The following ST8SIA1 variants were observed in gnomAD, a reference collection of about 807,000 sequenced individuals.
The protein encoded by ST8SIA1 is ST8 alpha-N-acetyl-neuraminide alpha-2,8-sialyltransferase 1, also known as alpha-N-acetylneuraminide alpha-2,8-sialyltransferase.
In ST8SIA1, 16 loss-of-function variants were observed where a neutral mutation model predicts 35.9. The observed-to-expected ratio is 0.45, with a 90% CI of 0.30 to 0.68. The LOEUF is 0.68. Ranked by LOEUF, ST8SIA1 falls within the 30% of genes least tolerant of loss-of-function variation. The pLI is 0.09. For missense variants in ST8SIA1, 383 were observed against 453.6 expected (o/e 0.84, Z 1.41); for synonymous variants, 170 against 169.6 (o/e 1.00, Z -0.02).
Position 22,201,808 on chromosome 12 carries a change from C to T in ST8SIA1, c.815G>A (p.Arg272His), listed in dbSNP as rs1197616067. Residue 272 changes from arginine (R) to histidine (H), a missense_variant, in exon 5 of 5, where the codon CGC (arginine) becomes CAC (histidine). By Grantham distance (29) the Arg-to-His change is conservative. Coordinates refer to ENST00000396037, the MANE Select transcript of ST8SIA1 (RefSeq NM_003034.4). ...CACCAGAAAAAGTCCTGTGGACAGG[C>T]GCTTGGCATGGATTCCTCTACTTTT... ...FWKSRGIHAK[R>H]LSTGLFLVSA... 2.5e-6 allele frequency: 4 copies of T among 1,614,138 alleles called. No individual in the cohort carries two copies. Among genetic ancestry groups the T allele is most frequent in the Admixed American group, 1.7e-5 (1 of 60,002 alleles).
chr12:22,270,681 A>G (rs1865902585), intron 2 of ST8SIA1, among the ~76,000 whole-genome samples: 1 of 152,220 alleles, frequency 6.6e-6, no homozygotes, highest in Non-Finnish European at 1.5e-5. Context: ...GGGGCTGGAT[A>G]ATGAGAAATT....
At chr12:22,241,313 C>T (rs80001631) in intron 4 of ST8SIA1, among the ~76,000 whole-genome samples, 1 of 152,092 alleles carries the variant, frequency 6.6e-6, no homozygotes. Context: ...GGGACGATTT[C>T]TCATCAATGG....
intron 4 of ST8SIA1, chr12:22,223,697 C>G: frequency 2.4e-6 from 3 of 1,232,284 alleles, no homozygotes; most frequent in Non-Finnish European, 3.1e-6. Flanking sequence ...GACGTTCTGT[C>G]ATTTGGCTTT....
At chr12:22,223,822 C>A in intron 4 of ST8SIA1, 2 of 1,208,610 alleles carry the variant, frequency 1.7e-6, no homozygotes, top group East Asian at 7.5e-5. Flanking sequence ...GAATTATATT[C>A]CCTGCAATAT....
At chr12:22,228,579 G>A (rs1010248080) in intron 4 of ST8SIA1, among the ~76,000 whole-genome samples, 3 of 152,222 alleles carry the variant, frequency 2.0e-5, no homozygotes, top group African/African-American at 7.2e-5. Flanking sequence ...AAAAGAGACA[G>A]AGTCATTGCC....
intron 4 of ST8SIA1, among the ~76,000 whole-genome samples, chr12:22,238,163 T>C (rs1371869462): frequency 6.6e-6 from 1 of 151,546 alleles, no homozygotes; most frequent in Admixed American, 6.6e-5. Flanking sequence ...ACTTGAGAAC[T>C]CCCCCCCCAA....
In ST8SIA1 at chr12:22,198,682, C is replaced by T. The variant is rs116729269; in HGVS notation, c.*2870G>A. ...GTAGTCATATTTTGAATGCTGTGAGCATGTATATCTATCTTTAAGTGAAGA... is the reference window on the plus strand; with the variant it reads ...GTAGTCATATTTTGAATGCTGTGAGTATGTATATCTATCTTTAAGTGAAGA... On this transcript the variant is annotated 3_prime_UTR_variant, in exon 5 of 5. Transcript: ENST00000396037. 1.7e-3 allele frequency: 262 copies of T among 152,158 alleles called. No homozygotes were observed. Among genetic ancestry groups the T allele is most frequent in the African/African-American group, 5.8e-3 (240 of 41,504 alleles). 9.4% of individuals were successfully genotyped at this position (152,158 alleles called of 1,614,324 possible).
At chr12:22,273,137 C>CT (rs1389876830) in intron 2 of ST8SIA1, among the ~76,000 whole-genome samples, 1 of 152,128 alleles carries the variant, frequency 6.6e-6, no homozygotes, top group African/African-American at 2.4e-5. Flanking sequence ...CGGGCAGGTC[C>CT]TGGCGAAACC....
chr12:22,291,340 C>G (rs1451135989), intron 1 of ST8SIA1, among the ~76,000 whole-genome samples: 2 of 152,198 alleles, frequency 1.3e-5, no homozygotes, highest in Non-Finnish European at 2.9e-5. Context: ...GAGGCTGCCA[C>G]TCCAATGACT....
At chr12:22,212,542 C>T (rs1003032721) in intron 4 of ST8SIA1, among the ~76,000 whole-genome samples, 15 of 152,146 alleles carry the variant, frequency 9.9e-5, no homozygotes, top group Non-Finnish European at 1.8e-4. Flanking sequence ...TTGCAATGAA[C>T]ATTCTAGGTC....
At chr12:22,283,809 T>A (rs1046157058) in intron 2 of ST8SIA1, among the ~76,000 whole-genome samples, 1 of 151,824 alleles carries the variant, frequency 6.6e-6, no homozygotes, top group Admixed American at 6.6e-5. Flanking sequence ...TTATACTGAG[T>A]GGGAAGCACT....
chr12:22,297,858 G>A (rs1866266108), intron 1 of ST8SIA1, among the ~76,000 whole-genome samples: 1 of 152,116 alleles, frequency 6.6e-6, no homozygotes, highest in Non-Finnish European at 1.5e-5. Flanking sequence ...GGTGGCTAGA[G>A]ACCCCTAGGT....
chr12:22,316,572 G>A (rs1010142649), intron 1 of ST8SIA1, among the ~76,000 whole-genome samples: 2 of 152,000 alleles, frequency 1.3e-5, no homozygotes, highest in African/African-American at 2.4e-5. Context: ...TTCATGACTC[G>A]AAGGCTCAAA....
intron 4 of ST8SIA1, among the ~76,000 whole-genome samples, chr12:22,233,283 G>A (rs1053238634): frequency 6.6e-6 from 1 of 152,010 alleles, no homozygotes; most frequent in Non-Finnish European, 1.5e-5. Flanking sequence ...GAACATCTTC[G>A]AAATGCTAAA....
At chr12:22,275,356 AC>A (rs1865956778) in intron 2 of ST8SIA1, among the ~76,000 whole-genome samples, 2 of 152,300 alleles carry the variant, frequency 1.3e-5, no homozygotes, top group East Asian at 3.9e-4. Flanking sequence ...GAAGTTCAAG[AC>A]CAGCCTGGCC....
At chr12:22,274,427 G>T (rs762708822) in intron 2 of ST8SIA1, among the ~76,000 whole-genome samples, 1 of 152,114 alleles carries the variant, frequency 6.6e-6, no homozygotes, top group East Asian at 1.9e-4. Context: ...GACAATGAGA[G>T]AAAATAAGAA....
chr12:22,325,938 C>T (rs551041731), intron 1 of ST8SIA1: 1 of 679,750 alleles, frequency 1.5e-6, no homozygotes, highest in African/African-American at 1.8e-5. Context: ...AGACGCTGAA[C>T]AAAGGGAAGA....
chr12:22,249,189 G>T, intron 3 of ST8SIA1, 91 bp from the exon 4 acceptor site: 5 of 849,658 alleles, frequency 5.9e-6, no homozygotes, highest in South Asian at 3.2e-5. Context: ...ATTAATTCTA[G>T]CTGAATTCAC....
intron 1 of ST8SIA1, among the ~76,000 whole-genome samples, chr12:22,322,009 G>C (rs1426552220): frequency 1.3e-5 from 2 of 152,196 alleles, no homozygotes; most frequent in East Asian, 3.8e-4. Context: ...GTTTTAAAGT[G>C]CTTTTCCTCT....
Sources: allele counts gnomAD v4.1 joint callset (sites outside exome capture counted in the v4.1 genomes callset), GRCh38; gene constraint gnomAD v4.1.1; transcripts MANE v1.5; gene names NCBI Gene and HGNC (gene_info 2026-07-23, HGNC 2026-07-21).